The following ACYP2 variants were observed in gnomAD, a reference collection of about 807,000 sequenced individuals.
ACYP2 encodes the protein acylphosphatase 2.
Under a neutral mutation model 11.2 loss-of-function variants are expected in ACYP2, and 12 were observed. The ratio of observed to expected loss-of-function variants is 1.08; its 90% CI spans 0.69 to 1.74. The LOEUF is 1.74. Among genes scored for constraint, ACYP2 ranks in the 40% most tolerant of loss-of-function variants. The probability of loss-of-function intolerance (pLI) is 0.00; values close to 1 mark genes in which losing one functional copy is unlikely to be tolerated. For synonymous variants in ACYP2, 43 were observed against 32.2 expected, an observed-to-expected ratio of 1.33 and a Z score of -1.13; for missense variants, 134 against 101.9, an observed-to-expected ratio of 1.31 and a Z score of -1.35.
intron 6 of ACYP2, chr2:54,254,997 T>C: frequency 6.2e-7 from 1 of 1,614,030 alleles, no homozygotes; most frequent in East Asian, 2.2e-5. Flanking sequence ...TATGGGCGTC[T>C]TCACCCAACA....
chr2:54,162,844 C>T (rs1166511138), intron 6 of ACYP2, among the ~76,000 whole-genome samples: 2 of 152,022 alleles, frequency 1.3e-5, no homozygotes, highest in African/African-American at 2.4e-5. Context: ...GAAAGTTAGC[C>T]GGGCGTTGTG....
intron 6 of ACYP2, among the ~76,000 whole-genome samples, chr2:54,147,579 C>T (rs989541590): frequency 3.9e-5 from 6 of 152,126 alleles, no homozygotes; most frequent in South Asian, 4.1e-4. Context: ...GGCTGGAGTG[C>T]GGTGGCTCAG....
rs377191588 is a variant in ACYP2 at position 54,304,715 on chromosome 2, C to G, written c.432C>G (p.Ser144Arg). The change falls in exon 7 of 7, where the codon AGC (serine) becomes AGG (arginine). Residue 144 changes from serine (S) to arginine (R), a missense_variant. Transcript: ENST00000607452. The stretch of plus-strand genomic sequence containing the variant: ...AGTCCTGGCTGAGCAAGGTTGGAAG[C>G]CCTAGTTCTCGCATTGACCGCACAA... 8 of 1,611,080 alleles carry G rather than the reference C, an allele frequency of 5.0e-6. No individual in the cohort carries two copies. In the African/African-American group the frequency reaches 9.4e-5, roughly 19 times the overall value.
intron 6 of ACYP2, among the ~76,000 whole-genome samples, chr2:54,293,587 A>C (rs1284392597): frequency 1.3e-5 from 2 of 152,236 alleles, no homozygotes; most frequent in Non-Finnish European, 2.9e-5. Flanking sequence ...AGAGCTTGCT[A>C]AACAGGCTGT....
At chr2:54,038,251 T>C (rs1366252637) in intron 2 of ACYP2, among the ~76,000 whole-genome samples, 1 of 152,178 alleles carries the variant, frequency 6.6e-6, no homozygotes, top group African/African-American at 2.4e-5. Flanking sequence ...CTCCTCATTC[T>C]CCAAGATTCA....
At chr2:54,056,645 CTG>C (rs1324735805) in intron 3 of ACYP2, among the ~76,000 whole-genome samples, 1 of 152,056 alleles carries the variant, frequency 6.6e-6, no homozygotes, top group Non-Finnish European at 1.5e-5. Context: ...TAAGATAGTT[CTG>C]TTTTCAAATT....
intron 6 of ACYP2, among the ~76,000 whole-genome samples, chr2:54,274,879 T>C (rs976662605): frequency 5.9e-5 from 9 of 152,322 alleles, no homozygotes; most frequent in African/African-American, 1.9e-4. Flanking sequence ...AATGATGTAA[T>C]AGCAGCTGCA....
chr2:54,054,373 C>G (rs987505557), intron 3 of ACYP2, among the ~76,000 whole-genome samples: 1 of 152,170 alleles, frequency 6.6e-6, no homozygotes, highest in African/African-American at 2.4e-5. Context: ...TTCTTGCCAA[C>G]GATGCATTTC....
intron 6 of ACYP2, among the ~76,000 whole-genome samples, chr2:54,243,134 A>AT (rs1686801636): frequency 1.3e-5 from 2 of 151,904 alleles, no homozygotes; most frequent in Non-Finnish European, 2.9e-5. Flanking sequence ...CGTTTGAAAA[A>AT]TTTTTTTTGT....
intron 4 of ACYP2, among the ~76,000 whole-genome samples, chr2:54,122,354 A>G (rs1680209709): frequency 6.6e-6 from 1 of 152,226 alleles, no homozygotes; most frequent in African/African-American, 2.4e-5. Flanking sequence ...AAAGTGAGGT[A>G]CAGTTGTAGT....
intron 6 of ACYP2, among the ~76,000 whole-genome samples, chr2:54,223,668 C>T (rs528156992): frequency 1.8e-4 from 28 of 152,252 alleles, no homozygotes; most frequent in Middle Eastern, 3.4e-3. Context: ...AATCTTAATT[C>T]CTGTCAGAAT....
At chr2:54,252,496 T>C (rs2104012511) in intron 6 of ACYP2, among the ~76,000 whole-genome samples, 1 of 152,308 alleles carries the variant, frequency 6.6e-6, no homozygotes, top group East Asian at 1.9e-4. Flanking sequence ...TGCTCTCCCA[T>C]AAACAGTATA....
intron 3 of ACYP2, among the ~76,000 whole-genome samples, chr2:54,053,399 C>T (rs1573616071): frequency 6.6e-6 from 1 of 152,304 alleles, no homozygotes; most frequent in African/African-American, 2.4e-5. Flanking sequence ...AGCTCTCAGT[C>T]CCACCAGCAC....
At chr2:54,149,593 C>T (rs1379073841) in intron 6 of ACYP2, among the ~76,000 whole-genome samples, 1 of 152,064 alleles carries the variant, frequency 6.6e-6, no homozygotes, top group African/African-American at 2.4e-5. Context: ...GAGCATAAGC[C>T]TTTGAATAAG....
At chr2:53,993,479 C>T (rs113061665) in intron 2 of ACYP2, among the ~76,000 whole-genome samples, 1 of 150,262 alleles carries the variant, frequency 6.7e-6, no homozygotes, top group African/African-American at 2.4e-5. Flanking sequence ...GGGCAGATCA[C>T]CTGAGGTCAG....
intron 4 of ACYP2, among the ~76,000 whole-genome samples, chr2:54,123,884 T>C (rs958800565): frequency 2.6e-5 from 4 of 152,162 alleles, no homozygotes; most frequent in African/African-American, 7.2e-5. Flanking sequence ...TTACATTTCA[T>C]TGGCCATCCC....
intron 2 of ACYP2, among the ~76,000 whole-genome samples, chr2:54,036,721 G>C (rs1052063589): frequency 2.6e-5 from 4 of 152,220 alleles, no homozygotes; most frequent in African/African-American, 9.6e-5. Flanking sequence ...AGGCAAGCAA[G>C]AAAATTCTGG....
At chr2:54,008,143 G>A (rs1233865930) in intron 2 of ACYP2, among the ~76,000 whole-genome samples, 1 of 152,210 alleles carries the variant, frequency 6.6e-6, no homozygotes, top group Non-Finnish European at 1.5e-5. Flanking sequence ...CCTATGGTTA[G>A]ACTACCATGT....
At chr2:54,287,277 G>A (rs1689114317) in intron 6 of ACYP2, among the ~76,000 whole-genome samples, 1 of 151,866 alleles carries the variant, frequency 6.6e-6, no homozygotes, top group South Asian at 2.1e-4. Context: ...GGAATGGAAG[G>A]AACAGACTTA....
Sources: gnomAD v4.1 joint callset for allele counts (sites outside exome capture counted in the v4.1 genomes callset) on GRCh38, gnomAD v4.1.1 for gene constraint, MANE v1.5 for transcripts, NCBI Gene and HGNC (gene_info 2026-07-23, HGNC 2026-07-21) for gene names.